ARAP2: variants seen among roughly 807,000 people sequenced by gnomAD.
ARAP2 encodes arf-GAP with Rho-GAP domain, ANK repeat and PH domain-containing protein 2.
Under a neutral mutation model 194.5 loss-of-function variants are expected in ARAP2, and 148 were observed. The observed-to-expected ratio is 0.76, with a 90% CI of 0.67 to 0.87. The LOEUF (loss-of-function observed/expected upper bound fraction) is 0.87. Ranked by LOEUF, ARAP2 falls within the 40% of genes least tolerant of loss-of-function variation. ARAP2 has a pLI of 0.00. For missense variants in ARAP2, 2,128 were observed against 1,989.7 expected (o/e 1.07, Z -1.32); for synonymous variants, 695 against 683.5 (o/e 1.02, Z -0.26).
intron 14 of ARAP2, 116 bp from the exon 15 acceptor site, chr4:36,158,980 A>G: frequency 9.7e-7 from 1 of 1,028,008 alleles, no homozygotes. Context: ...AATTTACCAA[A>G]GAATAATTAC....
At chr4:36,220,521 T>A (rs1452699950) in intron 2 of ARAP2, among the ~76,000 whole-genome samples, 1 of 152,124 alleles carries the variant, frequency 6.6e-6, no homozygotes, top group African/African-American at 2.4e-5. Flanking sequence ...ATATTGACTA[T>A]ACTTTTTTAT....
chr4:36,143,957 C>T (rs1461414644), intron 19 of ARAP2, among the ~76,000 whole-genome samples: 1 of 151,674 alleles, frequency 6.6e-6, no homozygotes, highest in South Asian at 2.1e-4. Context: ...ATTTCATCTC[C>T]TGATTTCTGC....
Position 36,067,817 on chromosome 4 carries a change from T to A in ARAP2, c.*90A>T, listed in dbSNP as rs996248816. ...TTGCCTATCAATAGGCAAATTCTTA[T>A]GAATTATCTTATAGTTCAGTTTTGG... On this transcript the variant is annotated 3_prime_UTR_variant, in exon 33 of 33. Coordinates refer to ENST00000303965, the MANE Select transcript of ARAP2 (RefSeq NM_015230.4). 9.1e-6 allele frequency: 13 copies of A among 1,434,704 alleles called. No homozygotes were observed. Among genetic ancestry groups the A allele is most frequent in the Non-Finnish European group, 1.2e-5 (13 of 1,078,048 alleles). 88.9% of individuals were successfully genotyped at this position (1,434,704 alleles called of 1,614,324 possible). A position where few individuals can be genotyped will look rare whatever the true frequency, so the allele number is the denominator to read the frequency against.
chr4:36,186,624 T>C (rs752944521), intron 8 of ARAP2, among the ~76,000 whole-genome samples: 2 of 152,250 alleles, frequency 1.3e-5, no homozygotes, highest in Non-Finnish European at 2.9e-5. Context: ...GCTTCATCTG[T>C]ATCTACAGCC....
At chr4:36,069,027 A>AT (rs5857469) in intron 32 of ARAP2, among the ~76,000 whole-genome samples, 4 of 151,304 alleles carry the variant, frequency 2.6e-5, no homozygotes, top group Admixed American at 6.6e-5. Flanking sequence ...CAAGGTTTCT[A>AT]TTTTTTTTTT....
At chr4:36,165,381 G>C (rs1461214688) in intron 10 of ARAP2, among the ~76,000 whole-genome samples, 1 of 152,100 alleles carries the variant, frequency 6.6e-6, no homozygotes, top group Non-Finnish European at 1.5e-5. Flanking sequence ...AATTTGCCTT[G>C]TTAGGTCACA....
chr4:36,016,635 G>A (rs1323306337), intron 6 of ARAP2, among the ~76,000 whole-genome samples: 1 of 152,048 alleles, frequency 6.6e-6, no homozygotes, highest in Non-Finnish European at 1.5e-5. Flanking sequence ...GAGTTAAAGG[G>A]TACATCAGGT....
chr4:36,231,378 GAA>G (rs1245624237), intron 1 of ARAP2, among the ~76,000 whole-genome samples: 1 of 151,724 alleles, frequency 6.6e-6, no homozygotes, highest in East Asian at 1.9e-4. Flanking sequence ...TTTAAAAAAA[GAA>G]AAGTTACACA....
intron 10 of ARAP2, 34 bp downstream of exon 10, chr4:36,166,898 T>C (rs367967551): frequency 2.0e-5 from 27 of 1,349,354 alleles, no homozygotes; most frequent in South Asian, 7.8e-5. Context: ...TTTCCTATAG[T>C]AGTACGAACA....
chr4:36,079,370 A>T (rs994115556), intron 31 of ARAP2, among the ~76,000 whole-genome samples: 1 of 152,114 alleles, frequency 6.6e-6, no homozygotes, highest in African/African-American at 2.4e-5. Context: ...AACAGAGAAA[A>T]CTATTTTCAG....
chr4:36,210,456 G>T lies in ARAP2; in HGVS notation c.1421C>A (p.Ala474Asp), dbSNP rs768646474. The T allele has an allele frequency of 8.1e-6, 13 of 1,613,766 alleles. No homozygotes were observed. The Admixed American group carries it at 1.2e-4, about 14-fold the overall frequency. Residue 474 changes from alanine (A) to aspartate (D), a missense_variant, in exon 6 of 33, where the codon GCC becomes GAC. Transcript: ENST00000303965. The part of the protein sequence containing the change: ...AVSSQAISPY[A>D]CFYGASAKKV... ...CTTTGCAGATGCTCCATAAAAGCAG[G>T]CATAGGGAGATATTGCCTGTGAAGA...
intron 11 of ARAP2, among the ~76,000 whole-genome samples, chr4:36,162,700 A>T (rs1490756834): frequency 6.6e-6 from 1 of 151,654 alleles, no homozygotes; most frequent in Non-Finnish European, 1.5e-5. Flanking sequence ...ATGACTACCT[A>T]CAGGCAATAC....
chr4:36,131,422 A>C (rs1393649953), intron 20 of ARAP2, among the ~76,000 whole-genome samples: 1 of 150,832 alleles, frequency 6.6e-6, no homozygotes, highest in African/African-American at 2.4e-5. Context: ...ATATGTGTAT[A>C]TATATGAATA....
At chr4:36,025,741 T>C (rs1377458637) in intron 5 of ARAP2, among the ~76,000 whole-genome samples, 1 of 151,678 alleles carries the variant, frequency 6.6e-6, no homozygotes, top group Non-Finnish European at 1.5e-5. Context: ...TGATTGACAG[T>C]GAGATAATGG....
chr4:36,226,676 T>A (rs540839814), intron 2 of ARAP2, among the ~76,000 whole-genome samples: 203 of 152,330 alleles, frequency 1.3e-3, no homozygotes, highest in African/African-American at 4.7e-3. Context: ...TGTATGCTTT[T>A]CTCCTGTTAA....
In ARAP2 at chr4:36,171,277, CCAA is replaced by C. The variant is rs559316330; in HGVS notation, c.1858-4233_1858-4231del. 3.3e-3 allele frequency among the ~76,000 whole-genome samples: 509 copies of C among 152,208 alleles called. 7 individuals are homozygous for C. Among genetic ancestry groups the C allele is most frequent in the African/African-American group, 0.011 (462 of 41,520 alleles). ...AAAGACTTGGAACCAACCCAAATGT[CCAA>C]CAACGATAGACTGGATTAAGAAAAT... On this transcript the variant is annotated intron_variant, in intron 9 of 32. Coordinates refer to ENST00000303965, the MANE Select transcript of ARAP2 (RefSeq NM_015230.4).
intron 8 of ARAP2, among the ~76,000 whole-genome samples, chr4:36,012,995 CT>C (rs1194272557): frequency 6.6e-6 from 1 of 151,992 alleles, no homozygotes; most frequent in African/African-American, 2.4e-5. Flanking sequence ...AATATAATGC[CT>C]TTTGAAGCAA....
intron 5 of ARAP2, among the ~76,000 whole-genome samples, chr4:36,029,009 TAATC>T (rs1718451999): frequency 6.6e-6 from 1 of 152,010 alleles, no homozygotes; most frequent in Admixed American, 6.6e-5. Context: ...ACTGAATATA[TAATC>T]AATTTTTGTG....
chr4:36,178,850 A>G (rs1453052132), intron 8 of ARAP2, among the ~76,000 whole-genome samples: 1 of 152,216 alleles, frequency 6.6e-6, no homozygotes, highest in East Asian at 1.9e-4. Flanking sequence ...ACTTTTCTTG[A>G]AACTATGGGG....
Sources: gnomAD v4.1 joint callset for allele counts (sites outside exome capture counted in the v4.1 genomes callset) on GRCh38, gnomAD v4.1.1 for gene constraint, MANE v1.5 for transcripts, NCBI Gene and HGNC (gene_info 2026-07-23, HGNC 2026-07-21) for gene names.